MAN1A1: variants seen among roughly 807,000 people sequenced by gnomAD.
MAN1A1 encodes mannosidase alpha class 1A member 1.
Under a neutral mutation model 70.8 loss-of-function variants are expected in MAN1A1, and 29 were observed. That is an observed-to-expected ratio of 0.41 (90% CI 0.31 to 0.56). MAN1A1 has a LOEUF of 0.56. Among genes scored for constraint, MAN1A1 ranks in the 20% least tolerant of loss-of-function variants. The pLI is 0.29. For synonymous variants in MAN1A1, 349 were observed against 330.1 expected (o/e 1.06, Z -0.62); for missense variants, 747 against 841.3 (o/e 0.89, Z 1.39).
At chr6:119,206,590 C>T (rs529602281) in intron 6 of MAN1A1, among the ~76,000 whole-genome samples, 8 of 152,214 alleles carry the variant, frequency 5.3e-5, no homozygotes, top group African/African-American at 1.9e-4. Flanking sequence ...TTACAAAATG[C>T]CCTAAATTTA....
intron 3 of MAN1A1, 137 bp from the exon 4 acceptor site, chr6:119,302,240 T>C: frequency 2.0e-6 from 1 of 507,272 alleles, no homozygotes; most frequent in Non-Finnish European, 3.6e-6. Flanking sequence ...CTAAAATTCT[T>C]TCAATGAAAG....
intron 5 of MAN1A1, among the ~76,000 whole-genome samples, chr6:119,253,802 C>T (rs902334785): frequency 3.3e-5 from 5 of 152,226 alleles, no homozygotes; most frequent in African/African-American, 1.2e-4. Context: ...ATTGATATTA[C>T]ATTGTTTGCA....
At chr6:119,286,356 T>C (rs750544257) in intron 5 of MAN1A1, among the ~76,000 whole-genome samples, 1 of 152,148 alleles carries the variant, frequency 6.6e-6, no homozygotes, top group Middle Eastern at 3.2e-3. Flanking sequence ...AACAACTACA[T>C]CTTCCCACCA....
chr6:119,210,359 C>T (rs1774013817), intron 6 of MAN1A1, among the ~76,000 whole-genome samples: 1 of 151,972 alleles, frequency 6.6e-6, no homozygotes, highest in South Asian at 2.1e-4. Flanking sequence ...AGAACACCAC[C>T]AAAAAGGCGA....
chr6:119,326,867 A>C (rs1773160098), intron 2 of MAN1A1, among the ~76,000 whole-genome samples: 1 of 152,174 alleles, frequency 6.6e-6, no homozygotes, highest in Non-Finnish European at 1.5e-5. Context: ...GAGGACACAA[A>C]GCCTAACCAT....
At chr6:119,188,612 T>C (rs762159813) in intron 10 of MAN1A1, 35 bp from the exon 11 acceptor site, 2 of 1,584,646 alleles carry the variant, frequency 1.3e-6, no homozygotes, top group Non-Finnish European at 1.7e-6. Context: ...AAGGGTTATT[T>C]TCCTGGACAG....
intron 5 of MAN1A1, among the ~76,000 whole-genome samples, chr6:119,275,121 T>C (rs1776020008): frequency 6.6e-6 from 1 of 152,020 alleles, no homozygotes; most frequent in South Asian, 2.1e-4. Flanking sequence ...AGTTCATTTT[T>C]TTTTTTTGAG....
At chr6:119,250,496 T>C (rs1418206418) in intron 5 of MAN1A1, among the ~76,000 whole-genome samples, 1 of 152,242 alleles carries the variant, frequency 6.6e-6, no homozygotes. Context: ...AGTTATTATA[T>C]TTAAAGACTT....
At chr6:119,205,697 GC>G (rs1007215311) in intron 6 of MAN1A1, among the ~76,000 whole-genome samples, 11 of 152,312 alleles carry the variant, frequency 7.2e-5, no homozygotes, top group African/African-American at 2.6e-4. Context: ...TTTCTGAAGA[GC>G]CACTTAACAC....
At position 119,178,164 on chromosome 6, in the gene MAN1A1, C is replaced by A. The variant is rs530644902; in HGVS notation, c.*1655G>T. On this transcript the variant is annotated 3_prime_UTR_variant, in exon 13 of 13. Transcript: ENST00000368468. Reference sequence around the variant, plus strand: ...ATGTATGATATTGAAAAACAGAAAGCAGGTCATAAAGATGGTCCTGTCCGA... The same window carrying A: ...ATGTATGATATTGAAAAACAGAAAGAAGGTCATAAAGATGGTCCTGTCCGA... 1 of 152,060 alleles carries A rather than the reference C, an allele frequency of 6.6e-6. No homozygotes were observed. Among genetic ancestry groups the A allele is most frequent in the Admixed American group, 6.5e-5 (1 of 15,268 alleles). The allele number at this position is 152,060 out of a possible 1,614,324, so 9.4% of individuals were successfully genotyped here. A position where few individuals can be genotyped will look rare whatever the true frequency, so the allele number is the denominator to read the frequency against.
intron 2 of MAN1A1, among the ~76,000 whole-genome samples, chr6:119,316,803 C>T (rs1217103872): frequency 6.6e-6 from 1 of 151,910 alleles, no homozygotes; most frequent in African/African-American, 2.4e-5. Flanking sequence ...TTTACAAATA[C>T]TATGAGGTTA....
chr6:119,221,580 C>T (rs1774362270), intron 6 of MAN1A1, among the ~76,000 whole-genome samples: 1 of 149,206 alleles, frequency 6.7e-6, no homozygotes, highest in Non-Finnish European at 1.5e-5. Flanking sequence ...TCAAGCAATT[C>T]TCATGCCGTA....
chr6:119,251,991 C>T (rs1421507634), intron 5 of MAN1A1, among the ~76,000 whole-genome samples: 1 of 152,152 alleles, frequency 6.6e-6, no homozygotes, highest in African/African-American at 2.4e-5. Flanking sequence ...CCTAACCACC[C>T]CACACAAAGT....
At chr6:119,207,024 T>C (rs1773879354) in intron 6 of MAN1A1, among the ~76,000 whole-genome samples, 1 of 152,200 alleles carries the variant, frequency 6.6e-6, no homozygotes, top group African/African-American at 2.4e-5. Flanking sequence ...AGTTAAGCAA[T>C]ATATATGTAC....
chr6:119,241,948 A>G (rs201883777), intron 6 of MAN1A1, among the ~76,000 whole-genome samples: 3 of 26,394 alleles, frequency 1.1e-4, no homozygotes, highest in African/African-American at 2.2e-4. Context: ...GTGTGTATGT[A>G]TGTGTGTGTG....
chr6:119,317,867 G>A (rs1265645983), intron 2 of MAN1A1, among the ~76,000 whole-genome samples: 3 of 151,254 alleles, frequency 2.0e-5, no homozygotes. Flanking sequence ...CATATTATAG[G>A]AAAATTTGTT....
At chr6:119,276,526 G>GTATT (rs1776071388) in intron 5 of MAN1A1, among the ~76,000 whole-genome samples, 1 of 152,170 alleles carries the variant, frequency 6.6e-6, no homozygotes. Flanking sequence ...GTCATTCAGG[G>GTATT]CTCAATTCTA....
intron 6 of MAN1A1, among the ~76,000 whole-genome samples, chr6:119,213,914 T>G (rs1774120560): frequency 6.6e-6 from 1 of 152,228 alleles, no homozygotes; most frequent in Non-Finnish European, 1.5e-5. Context: ...ACATTTTCAG[T>G]GATTAAGATT....
chr6:119,243,936 C>T (rs1413764474), intron 6 of MAN1A1, among the ~76,000 whole-genome samples: 1 of 151,882 alleles, frequency 6.6e-6, no homozygotes, highest in Non-Finnish European at 1.5e-5. Flanking sequence ...AAATGTAACA[C>T]CAAGCAGGCG....
Sources: allele counts gnomAD v4.1 joint callset (sites outside exome capture counted in the v4.1 genomes callset), GRCh38; gene constraint gnomAD v4.1.1; transcripts MANE v1.5; gene names NCBI Gene and HGNC (gene_info 2026-07-23, HGNC 2026-07-21).